Variants in BABAM2 observed in about 807,000 individuals in gnomAD.
BABAM2 encodes BRISC and BRCA1 A complex member 2, also known as BRISC and BRCA1-A complex member 2.
A neutral mutation model predicts 54.7 loss-of-function variants in BABAM2; 31 were observed. That is an observed-to-expected ratio of 0.57 (90% CI 0.43 to 0.77). BABAM2 has a LOEUF of 0.77. Among genes scored for constraint, BABAM2 ranks in the 30% least tolerant of loss-of-function variants. The pLI is 0.00. For synonymous variants in BABAM2, 167 were observed against 162.9 expected (o/e 1.03, Z -0.19); for missense variants, 364 against 455.8 (o/e 0.80, Z 1.83).
rs546383522 is a variant in BABAM2, at chr2:28,319,893, TG to T, written c.1089-18552del. 2.0e-3 allele frequency among the ~76,000 whole-genome samples: 311 copies of T among 152,110 alleles called. 2 individuals are homozygous for T. Among genetic ancestry groups the T allele is most frequent in the African/African-American group, 7.3e-3 (302 of 41,496 alleles). ...AGGTCCAGAATAGACAGGCTCACGG[TG>T]GGGGAAGTGACCTCACTCCCGAGGC... On this transcript the variant is annotated intron_variant, in intron 11 of 11. Transcript: ENST00000379624.
At chr2:28,001,052 G>A (rs977366178) in intron 4 of BABAM2, among the ~76,000 whole-genome samples, 1 of 152,152 alleles carries the variant, frequency 6.6e-6, no homozygotes, top group Non-Finnish European at 1.5e-5. Flanking sequence ...AGTGCCAGAT[G>A]TGCTTGTTGC....
chr2:28,267,995 A>G (rs1013061189), intron 10 of BABAM2, among the ~76,000 whole-genome samples: 1 of 152,242 alleles, frequency 6.6e-6, no homozygotes, highest in Non-Finnish European at 1.5e-5. Flanking sequence ...TGAAAATGAC[A>G]AACTGTATCT....
intron 7 of BABAM2, among the ~76,000 whole-genome samples, chr2:28,152,517 G>T (rs532806314): frequency 6.6e-6 from 1 of 152,280 alleles, no homozygotes; most frequent in East Asian, 1.9e-4. Context: ...AGGAGGAGCT[G>T]GGAGTCTTCC....
At chr2:27,919,370 C>A (rs1484195061) in intron 2 of BABAM2, among the ~76,000 whole-genome samples, 1 of 152,274 alleles carries the variant, frequency 6.6e-6, no homozygotes, top group East Asian at 1.9e-4. Context: ...CTGGCTAAGA[C>A]CTCCAGTACA....
intron 7 of BABAM2, among the ~76,000 whole-genome samples, chr2:28,159,589 G>A (rs185499572): frequency 3.3e-5 from 5 of 152,078 alleles, no homozygotes; most frequent in East Asian, 1.9e-4. Flanking sequence ...TTCTAAAATC[G>A]CCAGAATTGG....
intron 6 of BABAM2, among the ~76,000 whole-genome samples, chr2:28,077,868 A>T (rs2148668296): frequency 6.6e-6 from 1 of 152,294 alleles, no homozygotes; most frequent in African/African-American, 2.4e-5. Context: ...ATATCAAGAA[A>T]ATTAAATACC....
At chr2:27,890,147 T>C, upstream of BABAM2, 1 of 956,450 alleles carries the variant, frequency 1.0e-6, no homozygotes, top group Non-Finnish European at 1.6e-6. This position sits in a 1 kb window ranked among gnomAD's most constrained non-coding sequence, Gnocchi z 4.8. Flanking sequence ...TACCCAAAGC[T>C]AGCACTGTCT....
rs756918219 is a variant in BABAM2, at chr2:27,995,027, C to T, written c.300+6940C>T. Among the ~76,000 whole-genome samples, 16 of 152,170 alleles carry T rather than the reference C, an allele frequency of 1.1e-4. No individual in the cohort carries two copies. The highest frequency in any genetic ancestry group is 1.5e-4 in the Non-Finnish European group (10 of 68,030). ...CTAGCAGTTGTAGGGAGCAGCTATT[C>T]TAGAGCTAAGGGAGAGGAATAAACT... On this transcript the variant is annotated intron_variant, in intron 4 of 11. Coordinates refer to ENST00000379624, the MANE Select transcript of BABAM2 (RefSeq NM_199191.3). The surrounding 1 kb of genome is among the most constrained non-coding windows in gnomAD (Gnocchi z 4.1).
chr2:28,064,542 T>C (rs924174125), intron 6 of BABAM2, among the ~76,000 whole-genome samples: 2 of 152,220 alleles, frequency 1.3e-5, no homozygotes, highest in African/African-American at 4.8e-5. Context: ...AGCTATTCTT[T>C]TTCATTTTTC....
At chr2:27,900,583 T>C (rs1665704464) in intron 2 of BABAM2, among the ~76,000 whole-genome samples, 1 of 152,188 alleles carries the variant, frequency 6.6e-6, no homozygotes, top group Non-Finnish European at 1.5e-5. Context: ...TTTGAATGGA[T>C]GAATGAATGA....
At chr2:27,922,448 T>C (rs188904237) in intron 2 of BABAM2, among the ~76,000 whole-genome samples, 15 of 152,348 alleles carry the variant, frequency 9.8e-5, no homozygotes, top group African/African-American at 3.6e-4. Flanking sequence ...ATTGCGTCAA[T>C]GATTAACTGC....
chr2:28,245,523 G>C (rs1051507531), intron 10 of BABAM2, among the ~76,000 whole-genome samples: 9 of 152,200 alleles, frequency 5.9e-5, no homozygotes, highest in African/African-American at 2.2e-4. Context: ...CATCGACCCA[G>C]CTTTCTCTTG....
At chr2:27,936,584 G>A (rs1250391547) in intron 3 of BABAM2, among the ~76,000 whole-genome samples, 4 of 152,192 alleles carry the variant, frequency 2.6e-5, no homozygotes, top group African/African-American at 9.7e-5. Flanking sequence ...TTAAGAAAAT[G>A]TGGCACATAT....
chr2:28,156,789 G>A (rs72814494), intron 7 of BABAM2, among the ~76,000 whole-genome samples: 33,090 of 151,888 alleles, frequency 0.22, 4,574 homozygotes, highest in Middle Eastern at 0.32. Context: ...TTAATTGGTT[G>A]AATTGAAAAA....
chr2:28,107,330 A>G (rs1484905735), intron 6 of BABAM2, among the ~76,000 whole-genome samples: 1 of 152,206 alleles, frequency 6.6e-6, no homozygotes, highest in African/African-American at 2.4e-5. Context: ...CAGTCTGATT[A>G]TGTCATTACT....
At chr2:28,331,431 G>C (rs867742591) in intron 11 of BABAM2, among the ~76,000 whole-genome samples, 2 of 151,558 alleles carry the variant, frequency 1.3e-5, no homozygotes, top group Non-Finnish European at 2.9e-5. Flanking sequence ...TCTGACAAAG[G>C]TCTAATATCC....
intron 7 of BABAM2, among the ~76,000 whole-genome samples, chr2:28,186,465 A>G (rs1676289351): frequency 6.6e-6 from 1 of 152,118 alleles, no homozygotes. Flanking sequence ...AAGAAAGATG[A>G]GAAGTACATT....
intron 3 of BABAM2, among the ~76,000 whole-genome samples, chr2:27,949,823 CA>C (rs1195823743): frequency 1.3e-5 from 2 of 152,114 alleles, no homozygotes; most frequent in African/African-American, 4.8e-5. Flanking sequence ...CTCTTTAAAA[CA>C]TCTGGTAATT....
intron 7 of BABAM2, among the ~76,000 whole-genome samples, chr2:28,150,037 T>G (rs756769062): frequency 2.0e-5 from 3 of 152,202 alleles, no homozygotes; most frequent in Non-Finnish European, 2.9e-5. Flanking sequence ...TTGTCTCGAA[T>G]CTTAACCATA....
Sources: gnomAD v4.1 joint callset for allele counts (sites outside exome capture counted in the v4.1 genomes callset) on GRCh38, gnomAD v4.1.1 for gene constraint, Gnocchi (gnomAD v3.1) non-coding constraint, MANE v1.5 for transcripts, NCBI Gene and HGNC (gene_info 2026-07-23, HGNC 2026-07-21) for gene names.